The following RLF variants were observed in gnomAD, a reference collection of about 807,000 sequenced individuals.
The protein encoded by RLF is RLF zinc finger, also known as zinc finger protein Rlf.
A neutral mutation model predicts 162.9 loss-of-function variants in RLF; 7 were observed. That is an observed-to-expected ratio of 0.04 (90% CI 0.02 to 0.08). The LOEUF (loss-of-function observed/expected upper bound fraction) is 0.08, where lower values mean the gene tolerates loss of function less well. Ranked by LOEUF, RLF falls within the 10% of genes least tolerant of loss-of-function variation. RLF has a pLI of 1.00. For synonymous variants in RLF, 782 were observed against 791.5 expected (o/e 0.99, Z 0.20); for missense variants, 1,664 against 2,244.7 (o/e 0.74, Z 5.23).
chr1:40,194,899 T>G (rs958673847), intron 3 of RLF, among the ~76,000 whole-genome samples: 17 of 151,918 alleles, frequency 1.1e-4, no homozygotes, highest in African/African-American at 4.1e-4. Context: ...AGTGGCACAA[T>G]CATGGCTCAC....
At chr1:40,188,092 C>T (rs920192165) in intron 1 of RLF, among the ~76,000 whole-genome samples, 2 of 152,096 alleles carry the variant, frequency 1.3e-5, no homozygotes, top group African/African-American at 2.4e-5. Flanking sequence ...ACATACTTCA[C>T]GTCTTAACTA....
At chr1:40,169,902 C>T (rs1447551474) in intron 1 of RLF, among the ~76,000 whole-genome samples, 4 of 151,894 alleles carry the variant, frequency 2.6e-5, no homozygotes, top group African/African-American at 7.3e-5. Flanking sequence ...GTTGGCTAGG[C>T]TGGTCTTGAA....
At chr1:40,229,472 T>G (rs1454285267) in intron 6 of RLF, among the ~76,000 whole-genome samples, 1 of 129,022 alleles carries the variant, frequency 7.8e-6, no homozygotes, top group African/African-American at 3.3e-5. Flanking sequence ...TTTTTTTTTT[T>G]GAGACAGAGT....
intron 1 of RLF, chr1:40,177,816 A>G (rs1642348134): frequency 6.6e-6 from 1 of 152,168 alleles, no homozygotes; most frequent in Non-Finnish European, 1.5e-5. Flanking sequence ...AGATATAGGT[A>G]TATCTAAACT....
intron 1 of RLF, among the ~76,000 whole-genome samples, chr1:40,184,694 G>A (rs1642449408): frequency 6.6e-6 from 1 of 152,166 alleles, no homozygotes; most frequent in Admixed American, 6.5e-5. Context: ...AATATGGTGC[G>A]TAAGTGAGCT....
intron 5 of RLF, among the ~76,000 whole-genome samples, chr1:40,210,779 A>G (rs1642855142): frequency 6.6e-6 from 1 of 152,194 alleles, no homozygotes; most frequent in Non-Finnish European, 1.5e-5. Flanking sequence ...CTAGCTTGGG[A>G]GACTGGAAGA....
chr1:40,220,491 G>A (rs551602332), intron 5 of RLF, among the ~76,000 whole-genome samples: 1 of 151,772 alleles, frequency 6.6e-6, no homozygotes, highest in South Asian at 2.1e-4. Context: ...GTCTTTTTTG[G>A]TCCCCAAATT....
intron 1 of RLF, among the ~76,000 whole-genome samples, chr1:40,180,531 A>G (rs1387274425): frequency 6.6e-6 from 1 of 151,900 alleles, no homozygotes; most frequent in Non-Finnish European, 1.5e-5. Context: ...CAACGTGCTG[A>G]GATTACAGGT....
intron 7 of RLF, among the ~76,000 whole-genome samples, chr1:40,231,979 G>A (rs1247349971): frequency 1.3e-5 from 2 of 152,138 alleles, no homozygotes; most frequent in African/African-American, 2.4e-5. Flanking sequence ...AGGCCAAGGC[G>A]GGTGGATTAC....
chr1:40,189,025 T>A (rs1269932068), intron 1 of RLF, 30 bp from the exon 2 acceptor site: 1 of 1,403,248 alleles, frequency 7.1e-7, no homozygotes, highest in African/African-American at 1.4e-5. Flanking sequence ...TTATTTTTAT[T>A]TGTAAATAAT....
intron 5 of RLF, among the ~76,000 whole-genome samples, chr1:40,211,640 A>G (rs934936692): frequency 1.3e-5 from 2 of 151,166 alleles, no homozygotes; most frequent in Admixed American, 1.3e-4. Flanking sequence ...TTTTTCTTTG[A>G]GATGGTGTTT....
chr1:40,205,025 T>G (rs1441951927), intron 5 of RLF, among the ~76,000 whole-genome samples: 1 of 152,244 alleles, frequency 6.6e-6, no homozygotes, highest in Non-Finnish European at 1.5e-5. Context: ...ACTTCTGTAT[T>G]TCAATTGATG....
chr1:40,205,980 A>G (rs1482694042), intron 5 of RLF, among the ~76,000 whole-genome samples: 2 of 151,946 alleles, frequency 1.3e-5, no homozygotes, highest in African/African-American at 4.8e-5. Flanking sequence ...CTCTTTTTAC[A>G]CTTAACTAGG....
At chr1:40,214,339 C>G (rs1208291132) in intron 5 of RLF, among the ~76,000 whole-genome samples, 1 of 152,140 alleles carries the variant, frequency 6.6e-6, no homozygotes, top group Non-Finnish European at 1.5e-5. Context: ...TTTTTTAGAA[C>G]TCTGAAAAAT....
rs376905602 is a variant in RLF, at chr1:40,236,203, A to G, written c.1501A>G (p.Ile501Val). Residue 501 changes from isoleucine (I) to valine (V), a missense_variant, in exon 8 of 8, where the codon ATT (isoleucine) becomes GTT (valine). Coordinates refer to ENST00000372771, the MANE Select transcript of RLF (RefSeq NM_012421.4). This position sits in a 1 kb window ranked among gnomAD's most constrained non-coding sequence, Gnocchi z 7.7. ...DDDLSGYEMS[I>V]NDTDVLESFL... is the part of the protein sequence containing the mutation. Reference sequence around the variant, plus strand: ...TGATTTAAGTGGCTATGAAATGTCCATTAATGACACAGATGTTTTAGAGTC... The same window carrying G: ...TGATTTAAGTGGCTATGAAATGTCCGTTAATGACACAGATGTTTTAGAGTC... 2.0e-5 allele frequency: 32 copies of G among 1,614,042 alleles called. No individual in the cohort carries two copies. Among genetic ancestry groups the G allele is most frequent in the Non-Finnish European group, 2.3e-5 (27 of 1,179,968 alleles).
rs368114779 is a variant in RLF at position 40,168,148 on chromosome 1, G to A, written c.237+6512G>A. Reference sequence around the variant, plus strand: ...GAGGATCACTTGCGCTCAGGAGGTTGAGGCTGCAGTAAGCCATATTCGTGC... The same window carrying A: ...GAGGATCACTTGCGCTCAGGAGGTTAAGGCTGCAGTAAGCCATATTCGTGC... On this transcript the variant is annotated intron_variant, in intron 1 of 7. Coordinates refer to ENST00000372771, the MANE Select transcript of RLF (RefSeq NM_012421.4). 8.5e-5 allele frequency among the ~76,000 whole-genome samples: 13 copies of A among 152,238 alleles called. 1 individual carries two copies. The highest frequency in any genetic ancestry group is 3.9e-4 in the East Asian group (2 of 5,166).
At chr1:40,185,001 C>T (rs1338931641) in intron 1 of RLF, among the ~76,000 whole-genome samples, 1 of 152,032 alleles carries the variant, frequency 6.6e-6, no homozygotes, top group Admixed American at 6.6e-5. Context: ...CTTTGAGAGG[C>T]CAAGGTGGGA....
At chr1:40,214,936 A>AC (rs1000855543) in intron 5 of RLF, among the ~76,000 whole-genome samples, 1 of 149,616 alleles carries the variant, frequency 6.7e-6, no homozygotes, top group Non-Finnish European at 1.5e-5. Flanking sequence ...AAAAAAAAAA[A>AC]AAAAAAAAAC....
At position 40,194,256 on chromosome 1, in the gene RLF, C is replaced by T. The variant is rs566544844; in HGVS notation, c.475-1376C>T. Among the ~76,000 whole-genome samples the T allele has an allele frequency of 1.1e-4, 16 of 152,262 alleles. No homozygotes were observed. In the South Asian group the frequency reaches 3.1e-3, roughly 30 times the overall value. ...AACAATTATATAATGATTTGTGTCACTAAGTAATACTCCTGTAATTCCTGT... is the reference window on the plus strand; with the variant it reads ...AACAATTATATAATGATTTGTGTCATTAAGTAATACTCCTGTAATTCCTGT... On this transcript the variant is annotated intron_variant, in intron 3 of 7. Transcript: ENST00000372771.
Sources: gnomAD v4.1 joint callset for allele counts (sites outside exome capture counted in the v4.1 genomes callset) on GRCh38, gnomAD v4.1.1 for gene constraint, Gnocchi (gnomAD v3.1) non-coding constraint, MANE v1.5 for transcripts, NCBI Gene and HGNC (gene_info 2026-07-23, HGNC 2026-07-21) for gene names.